The following ARHGAP44 variants were observed in gnomAD, a reference collection of about 807,000 sequenced individuals.
ARHGAP44 encodes the protein Rho GTPase activating protein 44.
A neutral mutation model predicts 106.8 loss-of-function variants in ARHGAP44; 43 were observed. That is an observed-to-expected ratio of 0.40 (90% CI 0.32 to 0.52). ARHGAP44 has a LOEUF of 0.52. Ranked by LOEUF, ARHGAP44 falls within the 20% of genes least tolerant of loss-of-function variation. The pLI, the probability that ARHGAP44 is intolerant of heterozygous loss-of-function variation, is 0.48. For missense variants in ARHGAP44, 866 were observed against 1,050.5 expected (o/e 0.82, Z 2.43); for synonymous variants, 439 against 410.3 (o/e 1.07, Z -0.85).
At position 12,958,238 on chromosome 17, in the gene ARHGAP44, C is replaced by G. The variant is rs11870295; in HGVS notation, c.1343-479C>G. Among the ~76,000 whole-genome samples the G allele has an allele frequency of 1.1e-4, 16 of 152,194 alleles. No individual in the cohort carries two copies. Among genetic ancestry groups the G allele is most frequent in the Middle Eastern group, 3.4e-3 (1 of 294 alleles). On this transcript the variant is annotated intron_variant, in intron 15 of 20. Coordinates refer to ENST00000379672, the MANE Select transcript of ARHGAP44 (RefSeq NM_014859.6). This position sits in a 1 kb window ranked among gnomAD's most constrained non-coding sequence, Gnocchi z 4.1. ...ATATTTCTAATATCTTGAATTTATT[C>G]TCTATGGTTTTCCAGAAAGGCAGTG...
intron 1 of ARHGAP44, among the ~76,000 whole-genome samples, chr17:12,867,348 G>A (rs571061633): frequency 2.6e-5 from 4 of 152,158 alleles, no homozygotes; most frequent in Admixed American, 6.5e-5. Context: ...TTATGAGTCC[G>A]TCATAGCCCT....
chr17:12,982,978 A>G (rs1376453362), intron 19 of ARHGAP44: 1 of 152,274 alleles, frequency 6.6e-6, no homozygotes, highest in Non-Finnish European at 1.5e-5. Flanking sequence ...TCAGACCCAC[A>G]CACATGGCTG....
intron 19 of ARHGAP44, among the ~76,000 whole-genome samples, chr17:12,980,536 G>A (rs2143409244): frequency 6.6e-6 from 1 of 152,032 alleles, no homozygotes; most frequent in East Asian, 1.9e-4. Flanking sequence ...AGACCTGCCG[G>A]GCCCTACCTC....
intron 1 of ARHGAP44, among the ~76,000 whole-genome samples, chr17:12,868,204 C>T (rs963154138): frequency 6.6e-6 from 1 of 152,166 alleles, no homozygotes; most frequent in Admixed American, 6.5e-5. Context: ...GCCATCTTCT[C>T]TCTGCGTCTT....
At chr17:12,923,363 C>A (rs533237856) in intron 6 of ARHGAP44, among the ~76,000 whole-genome samples, 1 of 152,136 alleles carries the variant, frequency 6.6e-6, no homozygotes, top group African/African-American at 2.4e-5. Flanking sequence ...GGCGCCACCA[C>A]ACCCAGCTAA....
In ARHGAP44 at chr17:12,972,762, T is replaced by C. The variant is rs1288588444; in HGVS notation, c.1524-540T>C. 2.0e-5 allele frequency among the ~76,000 whole-genome samples: 3 copies of C among 151,094 alleles called. No homozygotes were observed. In the South Asian group the frequency reaches 6.4e-4, roughly 32 times the overall value. ...CTGCAAGCTCCACCTCCTGGGTTCA[T>C]GCCATTCTCCTGCCTCAGCCTCCCG... On this transcript the variant is annotated intron_variant, in intron 16 of 20. Transcript: ENST00000379672.
chr17:12,870,436 T>G (rs749972665), intron 1 of ARHGAP44, among the ~76,000 whole-genome samples: 7 of 152,332 alleles, frequency 4.6e-5, no homozygotes, highest in Middle Eastern at 3.4e-3. Context: ...TATCAGGTAG[T>G]ACTTCCAGCA....
chr17:12,808,112 G>A (rs912857133), intron 1 of ARHGAP44, among the ~76,000 whole-genome samples: 7 of 152,236 alleles, frequency 4.6e-5, no homozygotes, highest in Non-Finnish European at 8.8e-5. Context: ...AGGGGACACT[G>A]ATGCAACAGG....
intron 7 of ARHGAP44, among the ~76,000 whole-genome samples, chr17:12,932,370 T>C (rs578040455): frequency 6.6e-6 from 1 of 152,370 alleles, no homozygotes; most frequent in African/African-American, 2.4e-5. Flanking sequence ...TGGCCCAGTA[T>C]TTCTATTGCT....
chr17:12,800,096 T>C (rs1423154803), intron 1 of ARHGAP44, among the ~76,000 whole-genome samples: 2 of 152,228 alleles, frequency 1.3e-5, no homozygotes, highest in African/African-American at 2.4e-5. Context: ...CTGGTTGTAA[T>C]AAGCACTCAA....
intron 3 of ARHGAP44, among the ~76,000 whole-genome samples, chr17:12,906,684 C>T (rs2037559635): frequency 6.6e-6 from 1 of 152,056 alleles, no homozygotes; most frequent in African/African-American, 2.4e-5. Context: ...CCTGCAATCC[C>T]AGCACTTTGG....
At chr17:12,844,329 G>A (rs1352120040) in intron 1 of ARHGAP44, among the ~76,000 whole-genome samples, 3 of 152,126 alleles carry the variant, frequency 2.0e-5, no homozygotes, top group Non-Finnish European at 2.9e-5. Context: ...ATAACATGGC[G>A]GAAGGGGAAG....
intron 7 of ARHGAP44, among the ~76,000 whole-genome samples, chr17:12,932,710 CTT>C (rs34745789): frequency 7.0e-6 from 1 of 143,070 alleles, no homozygotes. Flanking sequence ...TTCTTTCTTT[CTT>C]TTTTTTTTTT....
Position 12,949,641 on chromosome 17 carries a change from A to G in ARHGAP44, c.974-8A>G. On this transcript the variant is annotated splice_region_variant and splice_polypyrimidine_tract_variant and intron_variant, in intron 11 of 20. Transcript: ENST00000379672. The surrounding 1 kb of genome is among the most constrained non-coding windows in gnomAD (Gnocchi z 4.1). ...ACAGTTCACAACCAATATTTCATTC[A>G]TGCCTAGGAGCTTTGAAATCTTACC... 1.2e-6 allele frequency: 2 copies of G among 1,613,318 alleles called. No homozygotes were observed. Among genetic ancestry groups the G allele is most frequent in the South Asian group, 2.2e-5 (2 of 91,070 alleles).
chr17:12,896,522 TC>T lies in ARHGAP44; in HGVS notation c.198+14del. 6.3e-7 allele frequency: 1 copy of T among 1,583,298 alleles called. No homozygotes were observed. ...GCTGACAAGCGCTCCGTAAGTGCCC[TC>T]CCAGCCCTGGGGAGCTGAAATCTTG... On this transcript the variant is annotated intron_variant, in intron 3 of 20. Coordinates refer to ENST00000379672, the MANE Select transcript of ARHGAP44 (RefSeq NM_014859.6).
chr17:12,920,355 G>A (rs1389535812), intron 6 of ARHGAP44, among the ~76,000 whole-genome samples: 2 of 104,412 alleles, frequency 1.9e-5, no homozygotes, highest in Non-Finnish European at 3.3e-5. Flanking sequence ...CAGCCTGGGC[G>A]ACAGAGCAAG....
At chr17:12,812,733 A>G (rs1319133010) in intron 1 of ARHGAP44, among the ~76,000 whole-genome samples, 1 of 152,232 alleles carries the variant, frequency 6.6e-6, no homozygotes, top group African/African-American at 2.4e-5. Flanking sequence ...GAAGAATATA[A>G]AAAGTTGTGA....
At chr17:12,796,885 G>T (rs1567618116) in intron 1 of ARHGAP44, among the ~76,000 whole-genome samples, 1 of 152,018 alleles carries the variant, frequency 6.6e-6, no homozygotes, top group Non-Finnish European at 1.5e-5. Context: ...GATTACAGGT[G>T]TAAGCCACTG....
chr17:12,962,651 A>C (rs1249509235), intron 16 of ARHGAP44, among the ~76,000 whole-genome samples: 3 of 152,192 alleles, frequency 2.0e-5, no homozygotes, highest in Non-Finnish European at 4.4e-5. Context: ...GATGGCCACA[A>C]GCCAGAGATT....
Sources: gnomAD v4.1 joint callset for allele counts (sites outside exome capture counted in the v4.1 genomes callset) on GRCh38, gnomAD v4.1.1 for gene constraint, Gnocchi (gnomAD v3.1) non-coding constraint, MANE v1.5 for transcripts, NCBI Gene and HGNC (gene_info 2026-07-23, HGNC 2026-07-21) for gene names.